Variants in SGCG observed in about 807,000 individuals in gnomAD.
SGCG encodes gamma-sarcoglycan.
SGCG carries 26 observed loss-of-function variants against 29.3 expected under a neutral mutation model. That is an observed-to-expected ratio of 0.89 (90% CI 0.65 to 1.23). SGCG has a LOEUF of 1.23. SGCG is among the 50% of genes most tolerant of loss of function. The pLI is 0.00. For missense variants in SGCG, 353 were observed against 356.0 expected (o/e 0.99, Z 0.07); for synonymous variants, 145 against 129.7 (o/e 1.12, Z -0.80).
At chr13:23,278,679 G>T (rs1263065560) in intron 4 of SGCG, among the ~76,000 whole-genome samples, 2 of 152,192 alleles carry the variant, frequency 1.3e-5, no homozygotes, top group Admixed American at 1.3e-4. Context: ...ATGGCACAGG[G>T]TGAGTGAGCA....
chr13:23,289,236 T>C (rs190644368), intron 5 of SGCG, among the ~76,000 whole-genome samples: 2 of 152,336 alleles, frequency 1.3e-5, no homozygotes, highest in Admixed American at 1.3e-4. Context: ...CAGTCCATGG[T>C]ATTTCAGCTG....
intron 6 of SGCG, among the ~76,000 whole-genome samples, chr13:23,303,598 G>T (rs181999231): frequency 6.6e-6 from 1 of 152,322 alleles, no homozygotes; most frequent in Admixed American, 6.5e-5. Flanking sequence ...GAGGGCATAT[G>T]CCAGGAAAGA....
intron 3 of SGCG, among the ~76,000 whole-genome samples, chr13:23,235,412 T>C (rs571387481): frequency 2.0e-5 from 3 of 152,108 alleles, no homozygotes; most frequent in Non-Finnish European, 4.4e-5. Context: ...TTTCATTGTA[T>C]TATGTTCTGC....
At chr13:23,306,346 A>G (rs1231878648) in intron 6 of SGCG, among the ~76,000 whole-genome samples, 2 of 152,184 alleles carry the variant, frequency 1.3e-5, no homozygotes. Context: ...ACAGTGTTTT[A>G]ATATTAATAG....
intron 4 of SGCG, chr13:23,267,808 A>G (rs2137597162): frequency 6.6e-6 from 1 of 152,310 alleles, no homozygotes; most frequent in South Asian, 2.1e-4. Flanking sequence ...CACTAAAGTC[A>G]CCAAGATACA....
chr13:23,163,211 T>C, the SGCG span, among the ~76,000 whole-genome samples: 4 of 152,230 alleles, frequency 2.6e-5, no homozygotes, highest in African/African-American at 7.2e-5. Context: ...AAACATGACA[T>C]CTTCAAAATT....
intron 4 of SGCG, among the ~76,000 whole-genome samples, chr13:23,253,615 T>C (rs1344263916): frequency 2.6e-5 from 4 of 152,236 alleles, no homozygotes; most frequent in Non-Finnish European, 5.9e-5. Flanking sequence ...TGAAAACAAT[T>C]TGCATTCAAT....
At chr13:23,322,771 T>TCCCCCACCCCC (rs1883093569) in intron 7 of SGCG, among the ~76,000 whole-genome samples, 1 of 59,854 alleles carries the variant, frequency 1.7e-5, no homozygotes, top group Non-Finnish European at 3.1e-5. Flanking sequence ...CCCATCCACC[T>TCCCCCACCCCC]CCCCCCCCCC....
intron 2 of SGCG, among the ~76,000 whole-genome samples, chr13:23,208,738 G>A (rs572705530): frequency 5.3e-5 from 8 of 152,166 alleles, no homozygotes; most frequent in Admixed American, 1.3e-4. Context: ...AAAATATTCC[G>A]TTAGCCATCA....
intron 6 of SGCG, among the ~76,000 whole-genome samples, chr13:23,303,641 G>A (rs1052697041): frequency 2.0e-5 from 3 of 152,196 alleles, no homozygotes; most frequent in East Asian, 3.9e-4. Context: ...TCCCAGGTAT[G>A]CACGTATCAG....
chr13:23,212,497 G>C (rs1276389403), intron 2 of SGCG, among the ~76,000 whole-genome samples: 1 of 152,126 alleles, frequency 6.6e-6, no homozygotes, highest in Non-Finnish European at 1.5e-5. Context: ...ATAAATAAGA[G>C]ATTAAATGAC....
intron 6 of SGCG, among the ~76,000 whole-genome samples, chr13:23,309,090 G>A (rs891815111): frequency 6.6e-6 from 1 of 151,904 alleles, no homozygotes; most frequent in South Asian, 2.1e-4. Flanking sequence ...TTACCAGGGT[G>A]TTTATAGTTT....
At position 23,207,083 on chromosome 13, in the gene SGCG, G is replaced by A. The variant is rs77486099; in HGVS notation, c.195+3194G>A. ...TTTTGAAATATATTTCAAAGCTATC[G>A]TAATTTAAACAGTATGGTACTGGCA... On this transcript the variant is annotated intron_variant, in intron 2 of 7. Transcript: ENST00000218867. 5.1e-3 allele frequency among the ~76,000 whole-genome samples: 778 copies of A among 152,288 alleles called. 8 individuals carry two copies. The highest frequency in any genetic ancestry group is 0.018 in the African/African-American group (732 of 41,572).
At chr13:23,322,294 C>G (rs533088571) in intron 7 of SGCG, among the ~76,000 whole-genome samples, 7 of 152,306 alleles carry the variant, frequency 4.6e-5, no homozygotes, top group Non-Finnish European at 1.0e-4. Flanking sequence ...TGGAACAGGA[C>G]ATAGGGTTTA....
intron 6 of SGCG, among the ~76,000 whole-genome samples, chr13:23,297,270 C>T (rs35876654): frequency 0.078 from 11,693 of 150,504 alleles, 598 homozygotes; most frequent in South Asian, 0.13. Flanking sequence ...TCTTGTTTGC[C>T]GAGACCAGCT....
intron 6 of SGCG, among the ~76,000 whole-genome samples, chr13:23,302,611 C>G (rs1882205525): frequency 6.6e-6 from 1 of 152,114 alleles, no homozygotes; most frequent in Admixed American, 6.5e-5. Flanking sequence ...ATCAAAATAT[C>G]ACTCTGTACT....
rs554392929 is a variant in SGCG, at chr13:23,204,032, T to C, written c.195+143T>C. On this transcript the variant is annotated intron_variant, in intron 2 of 7. Transcript: ENST00000218867. ...CTCTGAATTTCAGGAGCAAAATATGTATGTAGCATTTACGTTTTTCCCTTT... is the reference window on the plus strand; with the variant it reads ...CTCTGAATTTCAGGAGCAAAATATGCATGTAGCATTTACGTTTTTCCCTTT... The C allele has an allele frequency of 2.8e-4, 193 of 684,312 alleles. 2 individuals are homozygous for C. In the South Asian group the frequency reaches 2.9e-3, roughly 10 times the overall value. The allele number at this position is 684,312 out of a possible 1,614,324, so 42.4% of individuals were successfully genotyped here. A position where few individuals can be genotyped will look rare whatever the true frequency, so the allele number is the denominator to read the frequency against.
At chr13:23,255,439 G>C (rs1880140891) in intron 4 of SGCG, among the ~76,000 whole-genome samples, 2 of 152,218 alleles carry the variant, frequency 1.3e-5, no homozygotes, top group Admixed American at 1.3e-4. Flanking sequence ...ATGCTGGAAT[G>C]AGTTAAGACT....
the SGCG span, among the ~76,000 whole-genome samples, chr13:23,162,579 T>G: frequency 6.6e-6 from 1 of 151,906 alleles, no homozygotes; most frequent in African/African-American, 2.4e-5. Flanking sequence ...TGAGCCGAGA[T>G]CAGGCCCCTG....
Sources: gnomAD v4.1 joint callset for allele counts (sites outside exome capture counted in the v4.1 genomes callset) on GRCh38, gnomAD v4.1.1 for gene constraint, MANE v1.5 for transcripts, NCBI Gene and HGNC (gene_info 2026-07-23, HGNC 2026-07-21) for gene names.